FARS2: variants seen among roughly 807,000 people sequenced by gnomAD.
The protein encoded by FARS2 is phenylalanine--tRNA ligase, mitochondrial.
Under a neutral mutation model 46.4 loss-of-function variants are expected in FARS2, and 40 were observed. That is an observed-to-expected ratio of 0.86 (90% CI 0.67 to 1.12). The LOEUF is 1.12. FARS2 is among the 50% of genes most tolerant of loss of function. The pLI is 0.00. For synonymous variants in FARS2, 234 were observed against 214.9 expected, an observed-to-expected ratio of 1.09 and a Z score of -0.78; for missense variants, 513 against 567.9, an observed-to-expected ratio of 0.90 and a Z score of 0.98.
chr6:5,360,847 C>T (rs955043496), intron 1 of FARS2, among the ~76,000 whole-genome samples: 14 of 152,128 alleles, frequency 9.2e-5, no homozygotes, highest in Non-Finnish European at 1.8e-4. Flanking sequence ...GGAGAATGTT[C>T]TGAATTTAGA....
intron 5 of FARS2, chr6:5,609,681 C>G: frequency 1.5e-6 from 2 of 1,297,176 alleles, no homozygotes; most frequent in Non-Finnish European, 1.1e-6. Context: ...TGGCCATTCA[C>G]AGGATGGCAT....
intron 5 of FARS2, among the ~76,000 whole-genome samples, chr6:5,607,338 A>C (rs976541828): frequency 6.7e-6 from 1 of 150,000 alleles, no homozygotes; most frequent in African/African-American, 2.5e-5. Flanking sequence ...TGTATTTCTT[A>C]AAGAAGAGAA....
At chr6:5,586,472 G>A (rs561269701) in intron 5 of FARS2, among the ~76,000 whole-genome samples, 8 of 152,204 alleles carry the variant, frequency 5.3e-5, no homozygotes, top group African/African-American at 1.9e-4. Flanking sequence ...TCTGCATTCT[G>A]TTAATGTGGT....
intron 1 of FARS2, among the ~76,000 whole-genome samples, chr6:5,265,575 T>C (rs933651284): frequency 6.6e-6 from 1 of 152,226 alleles, no homozygotes; most frequent in African/African-American, 2.4e-5. Context: ...TGAAATGTTA[T>C]TTATTTACCT....
intron 1 of FARS2, among the ~76,000 whole-genome samples, chr6:5,281,130 AT>A (rs1190940578): frequency 6.6e-6 from 1 of 152,198 alleles, no homozygotes; most frequent in Non-Finnish European, 1.5e-5. Flanking sequence ...CTGTTGTCTT[AT>A]GACTACATAG....
At chr6:5,495,542 C>G (rs1044066274) in intron 4 of FARS2, among the ~76,000 whole-genome samples, 1 of 152,216 alleles carries the variant, frequency 6.6e-6, no homozygotes, top group Non-Finnish European at 1.5e-5. Context: ...AAAAAAGAAT[C>G]TGGAGCTAGG....
intron 1 of FARS2, among the ~76,000 whole-genome samples, chr6:5,293,631 C>CTT (rs2127518565): frequency 6.6e-6 from 1 of 152,298 alleles, no homozygotes; most frequent in East Asian, 1.9e-4. Flanking sequence ...TAGATATTCA[C>CTT]TTTTATTTAA....
In FARS2 at chr6:5,719,396, T is replaced by TTA. The variant is rs375365322; in HGVS notation, c.1218-51895_1218-51894insTA. On this transcript the variant is annotated intron_variant, in intron 6 of 6. Transcript: ENST00000274680. ...GGCAAGACCCTGTCTCAAAAAAAAT[T>TTA]AAAAAAAAAAAAAAAGGAAGAAGAA... 1.1e-4 allele frequency among the ~76,000 whole-genome samples: 14 copies of TTA among 123,056 alleles called. 1 individual carries two copies. The highest frequency in any genetic ancestry group is 6.9e-4 in the East Asian group (3 of 4,318). 80.7% of individuals were successfully genotyped at this position (123,056 alleles called of 152,430 possible). A position where few individuals can be genotyped will look rare whatever the true frequency, so the allele number is the denominator to read the frequency against.
chr6:5,397,086 C>T (rs2432784), intron 2 of FARS2, among the ~76,000 whole-genome samples: 58,073 of 151,872 alleles, frequency 0.38, 12,452 homozygotes, highest in African/African-American at 0.58. Flanking sequence ...ATCTCAAATA[C>T]GTATAAGTAA....
chr6:5,705,657 A>G (rs1343759338), intron 6 of FARS2, among the ~76,000 whole-genome samples: 1 of 152,084 alleles, frequency 6.6e-6, no homozygotes, highest in Non-Finnish European at 1.5e-5. Context: ...TTTTGGTCCC[A>G]TCATATTCCC....
intron 3 of FARS2, among the ~76,000 whole-genome samples, chr6:5,420,066 C>T (rs896761685): frequency 8.5e-5 from 13 of 152,194 alleles, no homozygotes; most frequent in African/African-American, 2.7e-4. Flanking sequence ...GCGAAAGACA[C>T]GTCTCACAAG....
chr6:5,609,681 C>T, intron 5 of FARS2: 1 of 1,297,174 alleles, frequency 7.7e-7, no homozygotes, highest in East Asian at 2.3e-5. Flanking sequence ...TGGCCATTCA[C>T]AGGATGGCAT....
intron 6 of FARS2, among the ~76,000 whole-genome samples, chr6:5,631,362 C>T (rs1776283906): frequency 6.6e-6 from 1 of 152,066 alleles, no homozygotes; most frequent in Non-Finnish European, 1.5e-5. Flanking sequence ...ATCAAATTCT[C>T]AAGACAACTA....
At chr6:5,507,593 G>C (rs947138470) in intron 4 of FARS2, among the ~76,000 whole-genome samples, 4 of 152,226 alleles carry the variant, frequency 2.6e-5, no homozygotes, top group Admixed American at 6.5e-5. Context: ...ATGGCTTTAA[G>C]AGAACGTGAA....
At chr6:5,284,256 G>A (rs1283421874) in intron 1 of FARS2, among the ~76,000 whole-genome samples, 4 of 152,166 alleles carry the variant, frequency 2.6e-5, no homozygotes, top group African/African-American at 9.7e-5. Flanking sequence ...TATATGGAGT[G>A]CTGGTGATGG....
chr6:5,429,641 A>G (rs1763050005), intron 3 of FARS2, among the ~76,000 whole-genome samples: 2 of 152,118 alleles, frequency 1.3e-5, no homozygotes, highest in African/African-American at 2.4e-5. Flanking sequence ...CCTCATCTCT[A>G]AAGTAAAAAA....
chr6:5,458,456 T>A lies in FARS2; in HGVS notation c.904+27284T>A, dbSNP rs139021109. Among the ~76,000 whole-genome samples, 584 of 152,218 alleles carry A rather than the reference T, an allele frequency of 3.8e-3. 3 individuals carry two copies. The highest frequency in any genetic ancestry group is 0.02 in the Middle Eastern group (6 of 294). On this transcript the variant is annotated intron_variant, in intron 4 of 6. Coordinates refer to ENST00000274680, the MANE Select transcript of FARS2 (RefSeq NM_006567.5). ...GAGCAAGGGCCACTGTAGTCAAACA[T>A]GAATTCACAAATGGGAAGAGCAGGA...
At chr6:5,711,333 C>G (rs1759143803) in intron 6 of FARS2, among the ~76,000 whole-genome samples, 1 of 151,802 alleles carries the variant, frequency 6.6e-6, no homozygotes, top group Non-Finnish European at 1.5e-5. Flanking sequence ...GAGAAATCTC[C>G]CATGCACAGG....
At chr6:5,514,927 G>A (rs950596196) in intron 4 of FARS2, among the ~76,000 whole-genome samples, 3 of 149,290 alleles carry the variant, frequency 2.0e-5, no homozygotes, top group Admixed American at 1.3e-4. Flanking sequence ...GCCATGCCTG[G>A]CTAAATGTTT....
Sources: allele counts gnomAD v4.1 joint callset (sites outside exome capture counted in the v4.1 genomes callset), GRCh38; gene constraint gnomAD v4.1.1; transcripts MANE v1.5; gene names NCBI Gene and HGNC (gene_info 2026-07-23, HGNC 2026-07-21).